The following NREP variants were observed in gnomAD, a reference collection of about 807,000 sequenced individuals.
NREP encodes the protein neuronal regeneration-related protein.
Under a neutral mutation model 8.6 loss-of-function variants are expected in NREP, and 5 were observed. The observed-to-expected ratio is 0.58, with a 90% CI of 0.30 to 1.22. The LOEUF is 1.22. NREP is among the 50% of genes most tolerant of loss of function. The pLI, the probability that NREP is intolerant of heterozygous loss-of-function variation, is 0.07. For synonymous variants in NREP, 27 were observed against 28.0 expected (o/e 0.96, Z 0.11); for missense variants, 86 against 82.5 (o/e 1.04, Z -0.17).
intron 1 of NREP, among the ~76,000 whole-genome samples, chr5:111,976,501 G>A (rs899689048): frequency 3.9e-5 from 6 of 152,150 alleles, no homozygotes; most frequent in African/African-American, 1.4e-4. Flanking sequence ...GCAGTGCTGA[G>A]GCCAGAGAAG....
intron 2 of NREP, among the ~76,000 whole-genome samples, chr5:111,851,182 T>C (rs1753300704): frequency 6.6e-6 from 1 of 152,212 alleles, no homozygotes; most frequent in Admixed American, 6.6e-5. Flanking sequence ...GGCATAGATA[T>C]GTATATGACA....
intron 2 of NREP, among the ~76,000 whole-genome samples, chr5:111,952,477 A>ATTAT (rs1399024439): frequency 6.6e-5 from 10 of 152,028 alleles, no homozygotes; most frequent in Non-Finnish European, 1.5e-4. Context: ...CGAGGTTATT[A>ATTAT]TTATTTATTT....
chr5:111,764,109 G>A (rs883147), intron 2 of NREP, among the ~76,000 whole-genome samples: 53,416 of 152,084 alleles, frequency 0.35, 9,716 homozygotes, highest in Admixed American at 0.41. Flanking sequence ...TTGACAGCTA[G>A]GCAAAATACT....
rs556525099 is a variant in NREP at position 111,927,696 on chromosome 5, A to G, written c.135+47578T>C. 5.3e-5 allele frequency among the ~76,000 whole-genome samples: 8 copies of G among 152,266 alleles called. No homozygotes were observed. In the East Asian group the frequency reaches 1.4e-3, roughly 26 times the overall value. On this transcript the variant is annotated intron_variant, in intron 2 of 3. Coordinates refer to the NREP transcript ENST00000395634. The stretch of plus-strand genomic sequence containing the variant: ...TCTTTCACATGTAAAATGTAGGTTC[A>G]TAAGCTCTAATCAAGGCCTCACAAG...
upstream of NREP, chr5:111,757,404 G>A (rs941703311): frequency 7.2e-6 from 7 of 968,324 alleles, no homozygotes; most frequent in African/African-American, 8.8e-5. Flanking sequence ...AAGAGTGTGT[G>A]TGTCTCTCTC....
At chr5:111,976,690 G>A (rs1756974938) in intron 1 of NREP, 1 of 1,545,796 alleles carries the variant, frequency 6.5e-7, no homozygotes, top group Non-Finnish European at 8.8e-7. Context: ...TGCATACACA[G>A]TAAGTTATTC....
chr5:111,974,378 T>C (rs144732757), intron 2 of NREP: 5 of 147,138 alleles, frequency 3.4e-5, no homozygotes, highest in East Asian at 2.1e-4. Context: ...CTTTCAGGGA[T>C]TGGTGGAAGC....
upstream of NREP, among the ~76,000 whole-genome samples, chr5:111,760,896 T>A (rs1328172091): frequency 6.6e-6 from 1 of 152,244 alleles, no homozygotes; most frequent in Non-Finnish European, 1.5e-5. Context: ...CCCTTAGATA[T>A]GTCATTCTCA....
At chr5:111,849,412 G>T (rs899288149) in intron 2 of NREP, among the ~76,000 whole-genome samples, 1 of 152,222 alleles carries the variant, frequency 6.6e-6, no homozygotes, top group East Asian at 1.9e-4. Flanking sequence ...GGTAAGCAGG[G>T]TTATACTTAT....
At chr5:111,739,799 A>G (rs1340970094) in intron 2 of NREP, 1 of 152,128 alleles carries the variant, frequency 6.6e-6, no homozygotes, top group African/African-American at 2.4e-5. Context: ...GAATACCTCA[A>G]AACTGTTGTT....
intron 2 of NREP, among the ~76,000 whole-genome samples, chr5:111,844,468 T>TTTG (rs1753108603): frequency 6.6e-6 from 1 of 151,480 alleles, no homozygotes; most frequent in Non-Finnish European, 1.5e-5. Flanking sequence ...ATTTTGCTCA[T>TTTG]CATTGCTTCT....
At chr5:111,966,161 A>T (rs979093252) in intron 2 of NREP, among the ~76,000 whole-genome samples, 1 of 152,242 alleles carries the variant, frequency 6.6e-6, no homozygotes, top group Non-Finnish European at 1.5e-5. Context: ...AAAGAAGATG[A>T]TTAAAAACTG....
At chr5:111,801,844 G>A (rs546556441) in intron 2 of NREP, among the ~76,000 whole-genome samples, 3 of 152,304 alleles carry the variant, frequency 2.0e-5, no homozygotes, top group Non-Finnish European at 4.4e-5. Context: ...AGTTGAGAAA[G>A]ACAGATCATG....
At chr5:111,753,289 A>G (rs1174976485) in intron 2 of NREP, among the ~76,000 whole-genome samples, 3 of 149,598 alleles carry the variant, frequency 2.0e-5, no homozygotes, top group Non-Finnish European at 4.4e-5. Flanking sequence ...CATACACAGA[A>G]CACATGTAAT....
chr5:111,916,499 T>C (rs1263270557), intron 2 of NREP, among the ~76,000 whole-genome samples: 2 of 152,124 alleles, frequency 1.3e-5, no homozygotes, highest in Admixed American at 6.6e-5. Context: ...CACATCTCTG[T>C]AGCACCAGCT....
chr5:111,810,706 C>T (rs1752250384), intron 2 of NREP, among the ~76,000 whole-genome samples: 1 of 152,158 alleles, frequency 6.6e-6, no homozygotes, highest in African/African-American at 2.4e-5. Context: ...ATTTTATAAG[C>T]TGTTCCATTA....
At chr5:111,787,135 A>C (rs1189230214) in intron 2 of NREP, among the ~76,000 whole-genome samples, 1 of 151,998 alleles carries the variant, frequency 6.6e-6, no homozygotes, top group Non-Finnish European at 1.5e-5. Context: ...CCTGCTGGAT[A>C]CCCCTCCCTG....
chr5:111,841,535 G>T (rs1052080056), intron 2 of NREP, among the ~76,000 whole-genome samples: 1 of 152,124 alleles, frequency 6.6e-6, no homozygotes, highest in Non-Finnish European at 1.5e-5. Flanking sequence ...ACTGTGATAC[G>T]GTTGTAGTGG....
At chr5:111,952,064 T>G (rs1756175919) in intron 2 of NREP, among the ~76,000 whole-genome samples, 1 of 152,134 alleles carries the variant, frequency 6.6e-6, no homozygotes, top group Non-Finnish European at 1.5e-5. Flanking sequence ...ACAAAGTTCT[T>G]CTACAGTGCT....
Sources: allele counts gnomAD v4.1 joint callset (sites outside exome capture counted in the v4.1 genomes callset), GRCh38; gene constraint gnomAD v4.1.1; transcripts MANE v1.5; gene names NCBI Gene and HGNC (gene_info 2026-07-23, HGNC 2026-07-21).